The following PLXDC2 variants were observed in gnomAD, a reference collection of about 807,000 sequenced individuals.
The protein encoded by PLXDC2 is plexin domain-containing protein 2.
Under a neutral mutation model 68.9 loss-of-function variants are expected in PLXDC2, and 40 were observed. That is an observed-to-expected ratio of 0.58 (90% CI 0.45 to 0.76). PLXDC2 has a LOEUF of 0.76. Ranked by LOEUF, PLXDC2 falls within the 30% of genes least tolerant of loss-of-function variation. The pLI is 0.00. For missense variants in PLXDC2, 644 were observed against 661.9 expected (o/e 0.97, Z 0.30); for synonymous variants, 243 against 234.2 (o/e 1.04, Z -0.34).
At chr10:20,047,492 C>T (rs565409753) in intron 3 of PLXDC2, among the ~76,000 whole-genome samples, 155 of 152,046 alleles carry the variant, frequency 1.0e-3, no homozygotes, top group African/African-American at 3.5e-3. Context: ...TAAATGAAGA[C>T]GTTTAATATA....
intron 5 of PLXDC2, among the ~76,000 whole-genome samples, chr10:20,146,002 C>G (rs1311660483): frequency 1.3e-5 from 2 of 152,130 alleles, no homozygotes; most frequent in Non-Finnish European, 2.9e-5. Flanking sequence ...GCAGGAATGT[C>G]TTGAAGGCAA....
chr10:20,123,303 G>A (rs1293511410), intron 4 of PLXDC2, among the ~76,000 whole-genome samples: 6 of 152,080 alleles, frequency 3.9e-5, no homozygotes, highest in Non-Finnish European at 1.5e-5. Context: ...GGACTGAGGG[G>A]ACAGACAGGA....
intron 12 of PLXDC2, among the ~76,000 whole-genome samples, chr10:20,239,991 A>G (rs538636658): frequency 6.0e-4 from 91 of 152,288 alleles, no homozygotes; most frequent in Admixed American, 1.2e-3. Flanking sequence ...TAGGTAAATT[A>G]TCATGGGAGT....
intron 13 of PLXDC2, among the ~76,000 whole-genome samples, chr10:20,256,136 A>G (rs924478982): frequency 2.0e-5 from 3 of 150,834 alleles, no homozygotes; most frequent in Admixed American, 6.6e-5. Flanking sequence ...GTTTTTATTT[A>G]TTTATTTATT....
intron 13 of PLXDC2, among the ~76,000 whole-genome samples, chr10:20,252,186 A>G (rs1476932129): frequency 2.0e-5 from 3 of 152,208 alleles, no homozygotes; most frequent in South Asian, 2.1e-4. Context: ...GGAGAAATAC[A>G]GAGTATAGAC....
chr10:20,053,297 T>C (rs1835935782), intron 3 of PLXDC2, among the ~76,000 whole-genome samples: 1 of 152,236 alleles, frequency 6.6e-6, no homozygotes, highest in East Asian at 1.9e-4. Context: ...CATTGCAAAA[T>C]AAACAGATGC....
At chr10:19,868,655 T>C (rs1453635798) in intron 1 of PLXDC2, among the ~76,000 whole-genome samples, 1 of 152,256 alleles carries the variant, frequency 6.6e-6, no homozygotes, top group East Asian at 1.9e-4. Context: ...TAGAGACCAC[T>C]ACTAGTGTAT....
intron 1 of PLXDC2, among the ~76,000 whole-genome samples, chr10:19,977,608 A>G (rs1285296522): frequency 1.3e-5 from 2 of 152,184 alleles, no homozygotes; most frequent in Non-Finnish European, 2.9e-5. Flanking sequence ...CTTAAACAAT[A>G]TACATTTATT....
chr10:20,049,197 GA>G (rs1279994195), intron 3 of PLXDC2, among the ~76,000 whole-genome samples: 4 of 152,018 alleles, frequency 2.6e-5, no homozygotes, highest in African/African-American at 4.8e-5. Context: ...ACTAGGCATG[GA>G]AGGAACATAC....
intron 13 of PLXDC2, among the ~76,000 whole-genome samples, chr10:20,253,729 G>T (rs969811080): frequency 3.3e-5 from 5 of 152,102 alleles, no homozygotes; most frequent in African/African-American, 1.2e-4. Flanking sequence ...GAGGACTCAT[G>T]TTTTATCTTA....
intron 13 of PLXDC2, among the ~76,000 whole-genome samples, chr10:20,248,154 T>C (rs1835625144): frequency 1.3e-5 from 2 of 152,160 alleles, no homozygotes; most frequent in African/African-American, 4.8e-5. Context: ...CACTGAAATA[T>C]CTGATGGTGA....
At chr10:19,877,604 C>T (rs1837656308) in intron 1 of PLXDC2, among the ~76,000 whole-genome samples, 1 of 152,148 alleles carries the variant, frequency 6.6e-6, no homozygotes, top group African/African-American at 2.4e-5. Flanking sequence ...ACCTGATAAC[C>T]CAGCCTCAAG....
intron 4 of PLXDC2, among the ~76,000 whole-genome samples, chr10:20,126,508 T>C (rs201164876): frequency 0.11 from 610 of 5,402 alleles, 57 homozygotes; most frequent in African/African-American, 0.24. Flanking sequence ...TATGTATATA[T>C]AACACACACG....
At position 19,856,392 on chromosome 10, in the gene PLXDC2, A is replaced by G. The variant is rs528209823; in HGVS notation, c.112+39201A>G. 1.7e-4 allele frequency among the ~76,000 whole-genome samples: 26 copies of G among 151,582 alleles called. 1 individual carries two copies. The highest frequency in any genetic ancestry group is 1.7e-3 in the Admixed American group (26 of 15,166). On this transcript the variant is annotated intron_variant, in intron 1 of 13. Coordinates refer to ENST00000377252, the MANE Select transcript of PLXDC2 (RefSeq NM_032812.9). ...CACACACACACAGACACACACACAC[A>G]CACACACACACACACACACACTCAC... is the stretch of plus-strand genomic sequence containing the variant.
chr10:19,882,781 G>A (rs1169250136), intron 1 of PLXDC2, among the ~76,000 whole-genome samples: 1 of 152,134 alleles, frequency 6.6e-6, no homozygotes, highest in Non-Finnish European at 1.5e-5. Flanking sequence ...GACAAGGCCA[G>A]CGAAGATTAT....
intron 4 of PLXDC2, among the ~76,000 whole-genome samples, chr10:20,110,195 G>T (rs1220370361): frequency 3.3e-5 from 5 of 152,084 alleles, no homozygotes; most frequent in Non-Finnish European, 7.4e-5. Flanking sequence ...ATGCAAGGAG[G>T]GGTGCTCTCC....
chr10:20,142,460 C>T (rs1007844901), intron 4 of PLXDC2, among the ~76,000 whole-genome samples: 1 of 152,030 alleles, frequency 6.6e-6, no homozygotes, highest in Non-Finnish European at 1.5e-5. Context: ...AGCAAGAAGC[C>T]AGCACAGGAT....
chr10:20,154,962 C>G (rs1469080992), intron 6 of PLXDC2, among the ~76,000 whole-genome samples: 1 of 152,042 alleles, frequency 6.6e-6, no homozygotes. Context: ...TGGTTGAATA[C>G]TTTACCATTT....
At chr10:19,846,116 A>G (rs547687675) in intron 1 of PLXDC2, among the ~76,000 whole-genome samples, 68 of 152,318 alleles carry the variant, frequency 4.5e-4, no homozygotes, top group Non-Finnish European at 6.6e-4. Flanking sequence ...AGATTGCTTG[A>G]GTCCAACCTT....
Sources: gnomAD v4.1 joint callset for allele counts (sites outside exome capture counted in the v4.1 genomes callset) on GRCh38, gnomAD v4.1.1 for gene constraint, MANE v1.5 for transcripts, NCBI Gene and HGNC (gene_info 2026-07-23, HGNC 2026-07-21) for gene names.